Variants in NEDD4L observed in about 807,000 individuals in gnomAD.
NEDD4L encodes the protein NEDD4 like E3 ubiquitin protein ligase, also known as E3 ubiquitin-protein ligase NEDD4-like.
In NEDD4L, 54 loss-of-function variants were observed where a neutral mutation model predicts 148.9. That is an observed-to-expected ratio of 0.36 (90% CI 0.29 to 0.45). NEDD4L has a LOEUF of 0.45. NEDD4L is among the 20% of genes least tolerant of loss of function. The pLI, the probability that NEDD4L is intolerant of heterozygous loss-of-function variation, is 1.00. For missense variants in NEDD4L, 856 were observed against 1,233.8 expected, an observed-to-expected ratio of 0.69 and a Z score of 4.59; for synonymous variants, 433 against 440.7, an observed-to-expected ratio of 0.98 and a Z score of 0.22.
At chr18:58,185,136 T>G (rs1417242993) in intron 2 of NEDD4L, among the ~76,000 whole-genome samples, 1 of 152,084 alleles carries the variant, frequency 6.6e-6, no homozygotes, top group African/African-American at 2.4e-5. Flanking sequence ...AGCTGAACAG[T>G]GGGCACAGGT....
intron 9 of NEDD4L, among the ~76,000 whole-genome samples, chr18:58,327,043 C>A (rs1170589113): frequency 6.6e-6 from 1 of 152,114 alleles, no homozygotes; most frequent in African/African-American, 2.4e-5. Context: ...GTCCCAGAAA[C>A]TAAAACAAAA....
intron 17 of NEDD4L, 98 bp from the exon 18 acceptor site, chr18:58,350,893 G>A (rs550692490): frequency 8.0e-5 from 70 of 878,216 alleles, no homozygotes; most frequent in Non-Finnish European, 1.3e-4. Flanking sequence ...GCAGAAAAGA[G>A]TACAGAGGTG....
At chr18:58,139,241 A>T (rs955657871) in intron 1 of NEDD4L, among the ~76,000 whole-genome samples, 7 of 152,092 alleles carry the variant, frequency 4.6e-5, no homozygotes, top group African/African-American at 1.7e-4. Flanking sequence ...AGGAGAGGAT[A>T]ATTTGGCCAC....
At chr18:58,177,809 A>T (rs888575709) in intron 2 of NEDD4L, among the ~76,000 whole-genome samples, 3 of 152,250 alleles carry the variant, frequency 2.0e-5, no homozygotes, top group African/African-American at 7.2e-5. Flanking sequence ...TCGACTTTAT[A>T]AAATTATTGA....
At chr18:58,212,810 C>T (rs902600184) in intron 2 of NEDD4L, among the ~76,000 whole-genome samples, 12 of 152,038 alleles carry the variant, frequency 7.9e-5, no homozygotes, top group East Asian at 7.7e-4. Context: ...GCAAAAGATA[C>T]GTGATTAAGT....
chr18:58,160,426 T>C (rs1333520504), intron 1 of NEDD4L, among the ~76,000 whole-genome samples: 1 of 152,224 alleles, frequency 6.6e-6, no homozygotes, highest in Admixed American at 6.5e-5. Context: ...CGTTACACAA[T>C]AACAATGCAG....
intron 6 of NEDD4L, 148 bp from the exon 7 acceptor site, chr18:58,322,277 G>A (rs1287055028): frequency 3.9e-5 from 26 of 665,608 alleles, no homozygotes; most frequent in East Asian, 2.5e-4. Context: ...GATCAGTTCC[G>A]TGGACTGTCA....
In NEDD4L at chr18:58,325,051, T is replaced by A. The variant is rs1167552515; in HGVS notation, c.569T>A (p.Leu190His). The change falls in exon 9 of 31, where the codon CTT (leucine) becomes CAT (histidine). Residue 190 changes from leucine to histidine, a missense_variant. By Grantham distance (99) the Leu-to-His change is moderately conservative. This residue lies in a region of NEDD4L where 193 missense variants were observed against 244.2 expected (regional missense o/e 0.79). Coordinates refer to ENST00000400345, the MANE Select transcript of NEDD4L (RefSeq NM_001144967.3). ...TCGGCTTCTCAGCACCAAGAGGAACTTCCTCCTCCTCCTCTGCCTCCCGGG... is the reference window on the plus strand; with the variant it reads ...TCGGCTTCTCAGCACCAAGAGGAACATCCTCCTCCTCCTCTGCCTCCCGGG... ...NDSASQHQEE[L>H]PPPPLPPGWE... The A allele has an allele frequency of 6.2e-7, 1 of 1,611,848 alleles. No individual in the cohort carries two copies. Among genetic ancestry groups the A allele is most frequent in the Non-Finnish European group, 8.5e-7 (1 of 1,178,564 alleles).
intron 5 of NEDD4L, among the ~76,000 whole-genome samples, chr18:58,289,340 G>A (rs2149087469): frequency 6.6e-6 from 1 of 152,262 alleles, no homozygotes; most frequent in Non-Finnish European, 1.5e-5. Flanking sequence ...TCTCAGGATT[G>A]CTGATACCCC....
chr18:58,248,710 A>T (rs2047561744), intron 3 of NEDD4L, among the ~76,000 whole-genome samples, 189 bp from the exon 4 acceptor site: 2 of 152,164 alleles, frequency 1.3e-5, no homozygotes, highest in African/African-American at 2.4e-5. Context: ...CCTATGAAGC[A>T]TCTGTTTCAT....
intron 5 of NEDD4L, among the ~76,000 whole-genome samples, chr18:58,302,297 A>G (rs1258085843): frequency 1.3e-5 from 2 of 152,240 alleles, no homozygotes; most frequent in Non-Finnish European, 2.9e-5. Context: ...TTTTGAGGTT[A>G]GAGCACGTTT....
chr18:58,382,932 G>A (rs767211301), intron 24 of NEDD4L, among the ~76,000 whole-genome samples: 1 of 152,154 alleles, frequency 6.6e-6, no homozygotes, highest in Non-Finnish European at 1.5e-5. Flanking sequence ...TCTTTTCTCT[G>A]TTAAACATAA....
chr18:58,162,099 C>G (rs1169015155), intron 1 of NEDD4L, among the ~76,000 whole-genome samples: 1 of 152,210 alleles, frequency 6.6e-6, no homozygotes, highest in Non-Finnish European at 1.5e-5. Context: ...CCATCTCTAT[C>G]TTATTAAAAG....
intron 6 of NEDD4L, among the ~76,000 whole-genome samples, chr18:58,320,320 A>G (rs1299170225): frequency 6.6e-6 from 1 of 152,108 alleles, no homozygotes; most frequent in Non-Finnish European, 1.5e-5. Flanking sequence ...ATCCAAAACC[A>G]TTTTGATTTC....
intron 2 of NEDD4L, among the ~76,000 whole-genome samples, chr18:58,168,796 A>G (rs1450721721): frequency 6.6e-6 from 1 of 152,232 alleles, no homozygotes; most frequent in Non-Finnish European, 1.5e-5. Flanking sequence ...TTAAAGTGGT[A>G]GAAATCCTGT....
At chr18:58,064,795 T>C (rs2082515748) in intron 1 of NEDD4L, among the ~76,000 whole-genome samples, 1 of 152,158 alleles carries the variant, frequency 6.6e-6, no homozygotes, top group African/African-American at 2.4e-5. Flanking sequence ...GTGCCAGGAG[T>C]GGTCTTAGCT....
chr18:58,299,047 C>T (rs2056093269), intron 5 of NEDD4L, among the ~76,000 whole-genome samples: 1 of 152,232 alleles, frequency 6.6e-6, no homozygotes, highest in Non-Finnish European at 1.5e-5. Flanking sequence ...CGTTTACATA[C>T]ACATGCGATA....
At chr18:58,204,666 G>A (rs750236166) in intron 2 of NEDD4L, among the ~76,000 whole-genome samples, 12 of 152,134 alleles carry the variant, frequency 7.9e-5, no homozygotes, top group Non-Finnish European at 1.2e-4. Flanking sequence ...AGGTCATGAC[G>A]CATGGGAATT....
At chr18:58,274,202 A>G (rs1281935078) in intron 5 of NEDD4L, among the ~76,000 whole-genome samples, 1 of 152,132 alleles carries the variant, frequency 6.6e-6, no homozygotes, top group African/African-American at 2.4e-5. Context: ...TCACCATCCA[A>G]CTATAGTCAC....
Sources: gnomAD v4.1 joint callset for allele counts (sites outside exome capture counted in the v4.1 genomes callset) on GRCh38, gnomAD v4.1.1 for gene constraint, gnomAD v4.1.1 regional missense constraint, MANE v1.5 for transcripts, NCBI Gene and HGNC (gene_info 2026-07-23, HGNC 2026-07-21) for gene names.